The following SLC38A6 variants were observed in gnomAD, a reference collection of about 807,000 sequenced individuals.
SLC38A6 encodes N system amino acid transporter NAT-1.
SLC38A6 carries 73 observed loss-of-function variants against 65.0 expected under a neutral mutation model. The observed-to-expected ratio is 1.12, with a 90% CI of 0.93 to 1.37. The LOEUF is 1.37. Among genes scored for constraint, SLC38A6 ranks in the 40% most tolerant of loss-of-function variants. The pLI is 0.00. For missense variants in SLC38A6, 561 were observed against 531.1 expected (o/e 1.06, Z -0.55); for synonymous variants, 183 against 178.8 (o/e 1.02, Z -0.19).
intron 6 of SLC38A6, 120 bp downstream of exon 6, chr14:61,030,643 C>A: frequency 1.5e-6 from 1 of 652,298 alleles, no homozygotes. Context: ...GCCCTCAAGA[C>A]AGTTACAAAT....
chr14:61,009,407 T>G (rs1400999539), intron 3 of SLC38A6, among the ~76,000 whole-genome samples: 1 of 152,184 alleles, frequency 6.6e-6, no homozygotes, highest in Non-Finnish European at 1.5e-5. Flanking sequence ...TAAATTATAC[T>G]TTAAGTTCTA....
At chr14:60,992,850 A>AT (rs2038009438) in intron 3 of SLC38A6, among the ~76,000 whole-genome samples, 1 of 138,830 alleles carries the variant, frequency 7.2e-6, no homozygotes, top group South Asian at 2.4e-4. Context: ...CTGCCTCCAA[A>AT]CTTTTTTTTT....
At chr14:61,010,336 C>T (rs2039463640) in intron 3 of SLC38A6, among the ~76,000 whole-genome samples, 1 of 152,064 alleles carries the variant, frequency 6.6e-6, no homozygotes, top group Non-Finnish European at 1.5e-5. Context: ...GTTGCCTGTT[C>T]ACTCTGATGG....
At chr14:61,011,881 G>C (rs2039598567) in intron 3 of SLC38A6, among the ~76,000 whole-genome samples, 1 of 152,180 alleles carries the variant, frequency 6.6e-6, no homozygotes, top group Non-Finnish European at 1.5e-5. Flanking sequence ...TTGGTATCAG[G>C]ATAATGCTGG....
rs2139868182 is a variant in SLC38A6, at chr14:61,051,896, A to G, written c.1160A>G (p.Tyr387Cys). The change falls in exon 14 of 16, where the codon TAT becomes TGT. Residue 387 changes from tyrosine (Y) to cysteine (C), a missense_variant. Physicochemically the swap from Tyr to Cys is radical, Grantham distance 194 (BLOSUM62 -2). Coordinates refer to ENST00000267488, the MANE Select transcript of SLC38A6 (RefSeq NM_153811.3). ...ATTATCATCGTTTTACTTGCAATAT[A>G]TGTTCCTGACATTAGAAATGTATTT... ...LNIIIVLLAI[Y>C]VPDIRNVFGV... 6.2e-7 allele frequency: 1 copy of G among 1,612,046 alleles called. No individual in the cohort carries two copies. Among genetic ancestry groups the G allele is most frequent in the Non-Finnish European group, 8.5e-7 (1 of 1,179,256 alleles).
Position 61,051,932 on chromosome 14 carries a change from G to T in SLC38A6, c.1195+1G>T, listed in dbSNP as rs2042526253. 1 of 1,605,702 alleles carries T rather than the reference G, an allele frequency of 6.2e-7. No homozygotes were observed. The highest frequency in any genetic ancestry group is 1.3e-5 in the African/African-American group (1 of 74,368). ...ATTAGAAATGTATTTGGTGTAGTTG[G>T]TAAGTTTTCTGTTTCAAAAAGTTCA... On this transcript the variant is annotated splice_donor_variant, in intron 14 of 15. Transcript: ENST00000267488. LOFTEE classifies it high-confidence loss of function.
downstream of SLC38A6, among the ~76,000 whole-genome samples, chr14:61,054,975 C>A (rs2042656786): frequency 6.6e-6 from 1 of 151,712 alleles, no homozygotes; most frequent in African/African-American, 2.4e-5. Context: ...TTTATCTATT[C>A]AGTATAATGT....
At chr14:61,041,307 C>T (rs2139767902) in intron 8 of SLC38A6, among the ~76,000 whole-genome samples, 1 of 152,266 alleles carries the variant, frequency 6.6e-6, no homozygotes, top group East Asian at 1.9e-4. Flanking sequence ...CCACCCCATA[C>T]CACCATACAG....
chr14:61,015,448 A>G lies in SLC38A6; in HGVS notation c.311-456A>G, dbSNP rs777042723. On this transcript the variant is annotated intron_variant, in intron 3 of 15. Transcript: ENST00000267488. ...AACCCGGTACCTCAGTTGGAAATGC[A>G]GAAATCACCCATCTTCTGTGTCCGG... Among the ~76,000 whole-genome samples the G allele has an allele frequency of 7.9e-5, 12 of 152,218 alleles. No homozygotes were observed. In the East Asian group the frequency reaches 2.3e-3, roughly 29 times the overall value.
chr14:61,044,386 G>A (rs527936777), intron 10 of SLC38A6, among the ~76,000 whole-genome samples: 15 of 152,232 alleles, frequency 9.9e-5, no homozygotes, highest in South Asian at 2.1e-4. Flanking sequence ...TCCAGGTGCC[G>A]TAAAGATCTA....
At chr14:61,000,015 A>T (rs1183376036) in intron 3 of SLC38A6, among the ~76,000 whole-genome samples, 1 of 152,268 alleles carries the variant, frequency 6.6e-6, no homozygotes, top group Non-Finnish European at 1.5e-5. Context: ...ATGCCATAAC[A>T]ATGAAATAAA....
chr14:61,010,115 C>T (rs1331048391), intron 3 of SLC38A6, among the ~76,000 whole-genome samples: 1 of 152,188 alleles, frequency 6.6e-6, no homozygotes, highest in Non-Finnish European at 1.5e-5. Context: ...TTTTGATTTG[C>T]ATTTCTCTGA....
At position 60,985,381 on chromosome 14, in the gene SLC38A6, A is replaced by G. The variant is rs562432674; in HGVS notation, c.310+578A>G. 9.8e-4 allele frequency among the ~76,000 whole-genome samples: 150 copies of G among 152,330 alleles called. 2 individuals carry two copies. Among genetic ancestry groups the G allele is most frequent in the Non-Finnish European group, 1.6e-3 (112 of 68,022 alleles). Reference sequence around the variant, plus strand: ...TTCCCATTTGGAATTTTATTATGCAATTCAGTCATGTATTGAATAAGTTCT... The same window carrying G: ...TTCCCATTTGGAATTTTATTATGCAGTTCAGTCATGTATTGAATAAGTTCT... On this transcript the variant is annotated intron_variant, in intron 3 of 15. Transcript: ENST00000267488.
chr14:60,994,311 C>T (rs1024123424), intron 3 of SLC38A6, among the ~76,000 whole-genome samples: 2 of 152,130 alleles, frequency 1.3e-5, no homozygotes, highest in Non-Finnish European at 2.9e-5. Context: ...TTTGGGAGGC[C>T]AAGGCGGGCG....
intron 3 of SLC38A6, among the ~76,000 whole-genome samples, chr14:61,010,408 T>C (rs1243140997): frequency 6.6e-6 from 1 of 152,238 alleles, no homozygotes; most frequent in Admixed American, 6.5e-5. Flanking sequence ...CAATTTTGGC[T>C]TTTGCTGCCA....
At chr14:61,003,014 G>A (rs926989174) in intron 3 of SLC38A6, among the ~76,000 whole-genome samples, 3 of 151,850 alleles carry the variant, frequency 2.0e-5, no homozygotes, top group Non-Finnish European at 4.4e-5. Flanking sequence ...TTTGATGGTA[G>A]GAAAGAGCTG....
intron 8 of SLC38A6, among the ~76,000 whole-genome samples, chr14:61,040,650 T>C (rs150248871): frequency 5.9e-4 from 90 of 152,246 alleles, no homozygotes; most frequent in East Asian, 5.6e-3. Flanking sequence ...GATAAATTTT[T>C]TTTTAAATGT....
chr14:60,983,795 G>T (rs987021038), intron 2 of SLC38A6, among the ~76,000 whole-genome samples: 29 of 151,938 alleles, frequency 1.9e-4, no homozygotes, highest in Admixed American at 9.2e-4. Context: ...CTTTTTTTTT[G>T]ATTCTCTTTG....
At chr14:61,070,701 C>T (rs1214261016) in intron 15 of SLC38A6, among the ~76,000 whole-genome samples, 2 of 152,188 alleles carry the variant, frequency 1.3e-5, no homozygotes, top group Non-Finnish European at 2.9e-5. Flanking sequence ...TCCAATTTCT[C>T]CATATCCTTG....
Sources: gnomAD v4.1 joint callset for allele counts (sites outside exome capture counted in the v4.1 genomes callset) on GRCh38, gnomAD v4.1.1 for gene constraint, MANE v1.5 for transcripts, NCBI Gene and HGNC (gene_info 2026-07-23, HGNC 2026-07-21) for gene names.